FRMD6: variants seen among roughly 807,000 people sequenced by gnomAD.
FRMD6 encodes FERM domain containing 6.
Under a neutral mutation model 73.2 loss-of-function variants are expected in FRMD6, and 37 were observed. That is an observed-to-expected ratio of 0.51 (90% CI 0.39 to 0.66). FRMD6 has a LOEUF of 0.66. FRMD6 is among the 30% of genes least tolerant of loss of function. FRMD6 has a pLI of 0.00. For synonymous variants in FRMD6, 273 were observed against 282.2 expected, an observed-to-expected ratio of 0.97 and a Z score of 0.33; for missense variants, 714 against 780.5, an observed-to-expected ratio of 0.91 and a Z score of 1.02.
At chr14:51,592,572 TA>T (rs1889459902) in intron 2 of FRMD6, among the ~76,000 whole-genome samples, 1 of 152,234 alleles carries the variant, frequency 6.6e-6, no homozygotes, top group East Asian at 1.9e-4. Flanking sequence ...CACGATGTAA[TA>T]AATTTCCTGT....
the FRMD6 span, among the ~76,000 whole-genome samples, chr14:51,477,955 C>T: frequency 2.0e-5 from 3 of 152,086 alleles, no homozygotes; most frequent in African/African-American, 7.2e-5. Context: ...CCAGGCTGGT[C>T]TCCAACTCCT....
chr14:51,708,389 C>G (rs567469067), intron 7 of FRMD6, 156 bp downstream of exon 7: 10 of 723,384 alleles, frequency 1.4e-5, no homozygotes, highest in Admixed American at 3.0e-5. Context: ...TGTTATCGCA[C>G]GTCAGTCTTG....
Position 51,517,084 on chromosome 14 carries a change from C to A in FRMD6, c.-210+27664C>A, listed in dbSNP as rs112891382. On this transcript the variant is annotated intron_variant, in intron 1 of 14. Transcript: ENST00000356218. ...CTGTTATAAAAAATTGAATGATGAG[C>A]TTTGTTGTATACTTTAAGTGTTATT... is the stretch of plus-strand genomic sequence containing the variant. Among the ~76,000 whole-genome samples, 224 of 152,154 alleles carry A rather than the reference C, an allele frequency of 1.5e-3. 1 individual carries two copies. The highest frequency in any genetic ancestry group is 5.2e-3 in the African/African-American group (216 of 41,512).
intron 1 of FRMD6, among the ~76,000 whole-genome samples, chr14:51,490,488 T>C (rs1882929537): frequency 6.6e-6 from 1 of 152,216 alleles, no homozygotes; most frequent in Non-Finnish European, 1.5e-5. Flanking sequence ...TGCATCTCTG[T>C]AACCACTTGT....
chr14:51,516,965 G>A (rs190879648), intron 1 of FRMD6, among the ~76,000 whole-genome samples: 13 of 152,266 alleles, frequency 8.5e-5, no homozygotes, highest in Non-Finnish European at 1.5e-4. Context: ...TTGTCAAGAT[G>A]GCTGTCAATT....
chr14:51,400,211 G>T, the FRMD6 span, among the ~76,000 whole-genome samples: 2 of 152,096 alleles, frequency 1.3e-5, no homozygotes, highest in Admixed American at 1.3e-4. Context: ...TCACCAGAAC[G>T]TATTCCTTCT....
At chr14:51,586,462 C>T (rs1443573598) in intron 2 of FRMD6, among the ~76,000 whole-genome samples, 3 of 152,232 alleles carry the variant, frequency 2.0e-5, no homozygotes, top group East Asian at 1.9e-4. Context: ...GAATTCCTTA[C>T]GGATTCTGGG....
At chr14:51,590,423 T>C (rs893950508) in intron 2 of FRMD6, among the ~76,000 whole-genome samples, 1 of 152,208 alleles carries the variant, frequency 6.6e-6, no homozygotes, top group Admixed American at 6.5e-5. Context: ...TTTTTTTTTT[T>C]ACAAGTGTTC....
At chr14:51,503,878 A>ATAATAAATAG (rs1433459576) in intron 1 of FRMD6, among the ~76,000 whole-genome samples, 5 of 149,944 alleles carry the variant, frequency 3.3e-5, no homozygotes, top group African/African-American at 1.2e-4. Flanking sequence ...GGGGGGTTTG[A>ATAATAAATAG]TAAGCTATTT....
chr14:51,685,479 A>G (rs1356421467), intron 1 of FRMD6, among the ~76,000 whole-genome samples: 1 of 152,200 alleles, frequency 6.6e-6, no homozygotes, highest in Non-Finnish European at 1.5e-5. Flanking sequence ...TGTACTCAGC[A>G]CATACAGCAA....
At chr14:51,603,999 G>A (rs1227894510) in intron 2 of FRMD6, among the ~76,000 whole-genome samples, 2 of 151,512 alleles carry the variant, frequency 1.3e-5, no homozygotes, top group East Asian at 3.9e-4. Context: ...AGCAGAGGAA[G>A]GTGAGGGAGT....
chr14:51,449,927 C>G, the FRMD6 span, among the ~76,000 whole-genome samples: 1 of 152,208 alleles, frequency 6.6e-6, no homozygotes, highest in Non-Finnish European at 1.5e-5. Context: ...GGGATTTCAG[C>G]TATTCCTGAT....
intron 2 of FRMD6, among the ~76,000 whole-genome samples, 188 bp downstream of exon 2, chr14:51,690,123 C>A (rs561567130): frequency 2.6e-5 from 4 of 152,190 alleles, no homozygotes; most frequent in Admixed American, 2.0e-4. Flanking sequence ...CTGCCTTCAA[C>A]ATTCTCTCAC....
chr14:51,397,289 TGCTCCTTC>T, the FRMD6 span, among the ~76,000 whole-genome samples: 3 of 151,930 alleles, frequency 2.0e-5, no homozygotes, highest in Non-Finnish European at 4.4e-5. Context: ...CTGGAGGGAG[TGCTCCTTC>T]ACAGGGCACA....
chr14:51,662,022 A>G (rs989833652), intron 1 of FRMD6, among the ~76,000 whole-genome samples: 1 of 152,150 alleles, frequency 6.6e-6, no homozygotes, highest in African/African-American at 2.4e-5. Flanking sequence ...GCTCTAGTAT[A>G]TAGATTGTAG....
chr14:51,622,766 G>C (rs147845333), intron 2 of FRMD6, among the ~76,000 whole-genome samples: 98 of 152,128 alleles, frequency 6.4e-4, no homozygotes, highest in Non-Finnish European at 1.0e-3. Context: ...GCATTGTGTG[G>C]CTTTGTTTTT....
rs145675816 is a variant in FRMD6 at position 51,516,402 on chromosome 14, T to A, written c.-210+26982T>A. Among the ~76,000 whole-genome samples, 1,041 of 151,990 alleles carry A rather than the reference T, an allele frequency of 6.8e-3. 14 individuals are homozygous for A. The highest frequency in any genetic ancestry group is 0.024 in the African/African-American group (980 of 41,412). ...TAAAGCATTCACTTGGGAATATGACTCTGGAGTAGAAGACATCAGACTCGG... is the reference window on the plus strand; with the variant it reads ...TAAAGCATTCACTTGGGAATATGACACTGGAGTAGAAGACATCAGACTCGG... On this transcript the variant is annotated intron_variant, in intron 1 of 14. Transcript: ENST00000356218.
chr14:51,434,917 A>G, the FRMD6 span, among the ~76,000 whole-genome samples: 1 of 152,308 alleles, frequency 6.6e-6, no homozygotes, highest in Admixed American at 6.5e-5. Flanking sequence ...ATGAGAAATT[A>G]TCAGATCAAA....
the FRMD6 span, among the ~76,000 whole-genome samples, chr14:51,478,500 C>A: frequency 1.3e-5 from 2 of 152,212 alleles, no homozygotes; most frequent in African/African-American, 4.8e-5. Flanking sequence ...TCCAATTGAG[C>A]CAATGTAAAA....
Sources: allele counts gnomAD v4.1 joint callset (sites outside exome capture counted in the v4.1 genomes callset), GRCh38; gene constraint gnomAD v4.1.1; transcripts MANE v1.5; gene names NCBI Gene and HGNC (gene_info 2026-07-23, HGNC 2026-07-21).